The following TMEM44 variants were observed in gnomAD, a reference collection of about 807,000 sequenced individuals.
TMEM44 encodes transmembrane protein 44.
A neutral mutation model predicts 47.8 loss-of-function variants in TMEM44; 43 were observed. The observed-to-expected ratio is 0.90, with a 90% CI of 0.70 to 1.16. The LOEUF (loss-of-function observed/expected upper bound fraction) is 1.16. Ranked by LOEUF, TMEM44 falls within the 50% of genes most tolerant of loss-of-function variation. TMEM44 has a pLI of 0.00. For synonymous variants in TMEM44, 277 were observed against 238.8 expected, an observed-to-expected ratio of 1.16 and a Z score of -1.48; for missense variants, 568 against 555.2, an observed-to-expected ratio of 1.02 and a Z score of -0.23.
intron 5 of TMEM44, among the ~76,000 whole-genome samples, chr3:194,620,155 G>C (rs915217125): frequency 2.0e-5 from 3 of 151,994 alleles, no homozygotes; most frequent in Admixed American, 6.6e-5. Flanking sequence ...GCTGGGCGTG[G>C]TGGTGCATGC....
At chr3:194,606,950 C>T (rs1450890166) in intron 8 of TMEM44, among the ~76,000 whole-genome samples, 5 of 8,996 alleles carry the variant, frequency 5.6e-4, no homozygotes, top group Non-Finnish European at 6.4e-4. Flanking sequence ...GAGACTCTGC[C>T]TCAAAAAAAA....
At chr3:194,593,801 TA>T (rs765303485) in intron 9 of TMEM44, among the ~76,000 whole-genome samples, 1 of 152,020 alleles carries the variant, frequency 6.6e-6, no homozygotes, top group Non-Finnish European at 1.5e-5. Context: ...CATTTTTCAT[TA>T]AAAAAAATCA....
In TMEM44 at chr3:194,614,462, T is replaced by C. The variant is rs530054773; in HGVS notation, c.912+1107A>G. Among the ~76,000 whole-genome samples, 411 of 152,350 alleles carry C rather than the reference T, an allele frequency of 2.7e-3. 4 individuals are homozygous for C. The highest frequency in any genetic ancestry group is 9.4e-3 in the African/African-American group (390 of 41,584). ...CTCTGCAGCTCAGGTTGTAGTGCGG[T>C]GGCGCCATCTTGGCTCACTGCAACC... is the stretch of plus-strand genomic sequence containing the variant. On this transcript the variant is annotated intron_variant, in intron 7 of 9. Transcript: ENST00000347147.
At chr3:194,597,940 C>T (rs866356356) in intron 9 of TMEM44, among the ~76,000 whole-genome samples, 3 of 152,182 alleles carry the variant, frequency 2.0e-5, no homozygotes, top group South Asian at 2.1e-4. Flanking sequence ...ACCCCAGGCA[C>T]GGGACTCTGA....
chr3:194,625,480 G>A lies in TMEM44; in HGVS notation c.358+417C>T, dbSNP rs189598672. 2.4e-3 allele frequency among the ~76,000 whole-genome samples: 361 copies of A among 151,052 alleles called. 2 individuals carry two copies. Among genetic ancestry groups the A allele is most frequent in the Non-Finnish European group, 3.1e-3 (212 of 67,874 alleles). On this transcript the variant is annotated intron_variant, in intron 3 of 9. Transcript: ENST00000347147. Reference sequence around the variant, plus strand: ...TTTGTTTTTTTTGAGACGGAGTCTCGCTCTGTCACCAGGTTTGTTGAGACG... The same window carrying A: ...TTTGTTTTTTTTGAGACGGAGTCTCACTCTGTCACCAGGTTTGTTGAGACG...
At position 194,623,207 on chromosome 3, in the gene TMEM44, C is replaced by G; in HGVS notation, c.612+17G>C. ...CTGTCATGTGACCCACAGTCCCATC[C>G]CCACCCCCGGCCTCACAATTCTGGA... On this transcript the variant is annotated intron_variant, in intron 5 of 9. Coordinates refer to ENST00000347147, the MANE Select transcript of TMEM44 (RefSeq NM_001011655.3). The G allele has an allele frequency of 6.3e-7, 1 of 1,595,320 alleles. No individual in the cohort carries two copies. Among genetic ancestry groups the G allele is most frequent in the Non-Finnish European group, 8.5e-7 (1 of 1,170,336 alleles).
intron 1 of TMEM44, among the ~76,000 whole-genome samples, chr3:194,630,075 T>C (rs1219495587): frequency 9.1e-6 from 1 of 109,908 alleles, no homozygotes; most frequent in Non-Finnish European, 1.8e-5. Context: ...TACGCTGTCG[T>C]ACCTGCCTCC....
At chr3:194,589,679 G>C (rs912221066) in intron 9 of TMEM44, 2 of 152,108 alleles carry the variant, frequency 1.3e-5, no homozygotes, top group Non-Finnish European at 2.9e-5. Context: ...TAATACAAGT[G>C]GGCACAGAAG....
chr3:194,598,424 T>C (rs1713676665), intron 9 of TMEM44, among the ~76,000 whole-genome samples: 1 of 123,324 alleles, frequency 8.1e-6, no homozygotes, highest in African/African-American at 3.3e-5. Flanking sequence ...GGCAGTGGAG[T>C]GCAGTGGTTA....
intron 9 of TMEM44, among the ~76,000 whole-genome samples, chr3:194,599,062 G>A (rs1170987946): frequency 1.3e-5 from 2 of 152,166 alleles, no homozygotes; most frequent in African/African-American, 4.8e-5. Flanking sequence ...TGGGTGGTCT[G>A]AGCCCAACGC....
intron 9 of TMEM44, among the ~76,000 whole-genome samples, chr3:194,592,455 C>G (rs115832409): frequency 6.6e-6 from 1 of 152,124 alleles, no homozygotes; most frequent in African/African-American, 2.4e-5. Context: ...GCAGCCATGC[C>G]GGCCACTACT....
intron 6 of TMEM44, chr3:194,616,628 G>A (rs1336897282): frequency 2.2e-6 from 1 of 456,676 alleles, no homozygotes; most frequent in Admixed American, 2.3e-5. Flanking sequence ...AGCGCCTGCA[G>A]ACGGCGTGGC....
intron 9 of TMEM44, among the ~76,000 whole-genome samples, chr3:194,593,297 A>G (rs1331780113): frequency 2.0e-5 from 3 of 152,160 alleles, no homozygotes; most frequent in Non-Finnish European, 4.4e-5. Flanking sequence ...GATAATTATG[A>G]AGGGCTGCAC....
Position 194,623,664 on chromosome 3 carries a change from C to T in TMEM44, c.390G>A (p.Arg130=). Residue 130 remains arginine (R), a synonymous_variant, in exon 4 of 10, where the codon CGG becomes CGA. Coordinates refer to ENST00000347147, the MANE Select transcript of TMEM44 (RefSeq NM_001011655.3). The part of the protein sequence containing the change: ...DREARERKRR[R]QLRASVFALA... ...GGGCAAACACACTGGCCCTGAGCTGCCGCCTCCTCTTCCTCTCTCGGGCTT... is the reference window on the plus strand; with the variant it reads ...GGGCAAACACACTGGCCCTGAGCTGTCGCCTCCTCTTCCTCTCTCGGGCTT... 1.9e-6 allele frequency: 3 copies of T among 1,613,692 alleles called. No homozygotes were observed. Among genetic ancestry groups the T allele is most frequent in the Non-Finnish European group, 2.5e-6 (3 of 1,179,980 alleles).
intron 8 of TMEM44, among the ~76,000 whole-genome samples, chr3:194,607,997 T>C (rs1484285485): frequency 6.6e-6 from 1 of 152,158 alleles, no homozygotes; most frequent in Non-Finnish European, 1.5e-5. Context: ...CCAACAAGAA[T>C]CCCTTCGACA....
Position 194,628,601 on chromosome 3 carries a change from T to A in TMEM44, c.138-92A>T, listed in dbSNP as rs1003058390. On this transcript the variant is annotated intron_variant, in intron 1 of 9. Coordinates refer to ENST00000347147, the MANE Select transcript of TMEM44 (RefSeq NM_001011655.3). ...AAAGGGCAACTGTGACCCCGCATCG[T>A]CAGGGAGCTCTTTCTGCCCGAGGTA... 2.7e-5 allele frequency: 38 copies of A among 1,433,254 alleles called. No individual in the cohort carries two copies. The African/African-American group carries it at 5.1e-4, about 19-fold the overall frequency. The allele number at this position is 1,433,254 out of a possible 1,614,324, so 88.8% of individuals were successfully genotyped here.
intron 3 of TMEM44, among the ~76,000 whole-genome samples, chr3:194,624,503 CCACCTCCTG>C (rs1716926346): frequency 6.6e-6 from 1 of 151,752 alleles, no homozygotes; most frequent in African/African-American, 2.4e-5. Context: ...ACTGCAGCCT[CCACCTCCTG>C]GGCTCAAGTG....
intron 9 of TMEM44, among the ~76,000 whole-genome samples, chr3:194,595,566 G>T (rs1348595827): frequency 6.6e-6 from 1 of 151,698 alleles, no homozygotes; most frequent in Non-Finnish European, 1.5e-5. Flanking sequence ...GCTCGACTTC[G>T]GATGGATTGT....
Position 194,617,188 on chromosome 3 carries a change from T to C in TMEM44, c.694A>G (p.Ile232Val), listed in dbSNP as rs766688249. ...TCAGGGTGCTGGTCGTGGGCCACAA[T>C]GGCCGAGGCATAGAGGAGGCCAGCC... ...ALAGLLYASA[I>V]VAHDQHPEYL... Residue 232 changes from isoleucine to valine, a missense_variant, in exon 6 of 10, where the codon ATT (isoleucine) becomes GTT (valine). Physicochemically the swap from Ile to Val is conservative, Grantham distance 29. Transcript: ENST00000347147. 2 of 1,546,242 alleles carry C rather than the reference T, an allele frequency of 1.3e-6. No homozygotes were observed. The highest frequency in any genetic ancestry group is 2.7e-5 in the African/African-American group (2 of 72,776).
Sources: gnomAD v4.1 joint callset for allele counts (sites outside exome capture counted in the v4.1 genomes callset) on GRCh38, gnomAD v4.1.1 for gene constraint, MANE v1.5 for transcripts, NCBI Gene and HGNC (gene_info 2026-07-23, HGNC 2026-07-21) for gene names.